Variants in SEH1L observed in about 807,000 individuals in gnomAD.
SEH1L encodes the protein SEH1 like nucleoporin, also known as nucleoporin SEH1.
A neutral mutation model predicts 49.5 loss-of-function variants in SEH1L; 18 were observed. The ratio of observed to expected loss-of-function variants is 0.36; its 90% CI spans 0.25 to 0.54. The LOEUF (loss-of-function observed/expected upper bound fraction) is 0.54, where lower values mean the gene tolerates loss of function less well. Among genes scored for constraint, SEH1L ranks in the 20% least tolerant of loss-of-function variants. SEH1L has a pLI of 0.87. For synonymous variants in SEH1L, 169 were observed against 178.1 expected (o/e 0.95, Z 0.41); for missense variants, 404 against 528.8 (o/e 0.76, Z 2.31).
In SEH1L at chr18:12,986,174, G is replaced by C. The variant is rs111288711; in HGVS notation, c.1071-688G>C. ...TAGTTCGCTGTTTAAATTAATTCAT[G>C]TCCTGTAAAGTTCTGACCTTGATAA... On this transcript the variant is annotated intron_variant, in intron 8 of 8. Transcript: ENST00000399892. 7,163 of 984,880 alleles carry C rather than the reference G, an allele frequency of 7.3e-3. 31 individuals are homozygous for C. The highest frequency in any genetic ancestry group is 8.0e-3 in the Non-Finnish European group (6,649 of 829,344). 61.0% of individuals were successfully genotyped at this position (984,880 alleles called of 1,614,324 possible).
chr18:12,956,070 AGTCTCACT>A (rs1397548136), intron 3 of SEH1L, among the ~76,000 whole-genome samples: 10 of 145,234 alleles, frequency 6.9e-5, no homozygotes, highest in Non-Finnish European at 1.2e-4. Flanking sequence ...TTTTAGACGG[AGTCTCACT>A]GTGTCACCCA....
intron 3 of SEH1L, among the ~76,000 whole-genome samples, chr18:12,962,288 A>T (rs957952229): frequency 1.3e-5 from 2 of 151,774 alleles, no homozygotes; most frequent in South Asian, 4.2e-4. Flanking sequence ...CATCCCAGCT[A>T]CTGGGAAGGC....
chr18:12,953,493 C>T (rs746277787), intron 2 of SEH1L, among the ~76,000 whole-genome samples: 35 of 152,260 alleles, frequency 2.3e-4, no homozygotes, highest in Non-Finnish European at 4.3e-4. Context: ...CACCTACACT[C>T]GATAATATCT....
At chr18:12,965,460 T>C (rs1235443856) in intron 4 of SEH1L, among the ~76,000 whole-genome samples, 1 of 152,242 alleles carries the variant, frequency 6.6e-6, no homozygotes, top group African/African-American at 2.4e-5. Context: ...ATCTAGATTA[T>C]GTAAGTATTC....
intron 4 of SEH1L, among the ~76,000 whole-genome samples, chr18:12,965,915 G>C (rs2031428789): frequency 2.0e-5 from 3 of 152,264 alleles, no homozygotes; most frequent in African/African-American, 7.2e-5. Context: ...AGAAGTAACA[G>C]AAGTACAGTA....
At chr18:12,965,971 T>C (rs932258737) in intron 4 of SEH1L, among the ~76,000 whole-genome samples, 1 of 152,230 alleles carries the variant, frequency 6.6e-6, no homozygotes, top group East Asian at 1.9e-4. Flanking sequence ...AACCCAAAGC[T>C]GCTGCTGTAC....
At chr18:12,977,461 A>C (rs1318932375) in intron 5 of SEH1L, 2 of 152,244 alleles carry the variant, frequency 1.3e-5, no homozygotes, top group African/African-American at 4.8e-5. Context: ...GCAGTGGCTC[A>C]CACCTGTAAT....
At chr18:12,950,845 A>G (rs571415455) in intron 1 of SEH1L, among the ~76,000 whole-genome samples, 38 of 152,070 alleles carry the variant, frequency 2.5e-4, no homozygotes, top group Admixed American at 5.9e-4. Flanking sequence ...TTTGAGATGG[A>G]GTCTTGCCAT....
At chr18:12,979,661 C>A (rs2032082857) in intron 6 of SEH1L, among the ~76,000 whole-genome samples, 1 of 151,472 alleles carries the variant, frequency 6.6e-6, no homozygotes, top group African/African-American at 2.4e-5. Flanking sequence ...AGAGGCGCCC[C>A]TCACCTCCCG....
Position 12,987,273 on chromosome 18 carries a change from T to G in SEH1L, c.*216T>G. The G allele has an allele frequency of 5.1e-6, 2 of 392,922 alleles. No homozygotes were observed. The highest frequency in any genetic ancestry group is 1.1e-4 in the South Asian group (2 of 18,956). 24.3% of individuals were successfully genotyped at this position (392,922 alleles called of 1,614,324 possible). On this transcript the variant is annotated 3_prime_UTR_variant, in exon 9 of 9. Transcript: ENST00000399892. ...CACTGGGTGATAACCTTTGATGAAA[T>G]GAGATATGTCCAAGTAACGTTAACT...
At chr18:12,952,522 G>A (rs2145605101) in intron 2 of SEH1L, among the ~76,000 whole-genome samples, 1 of 152,216 alleles carries the variant, frequency 6.6e-6, no homozygotes, top group East Asian at 1.9e-4. Flanking sequence ...GAGCCACTGT[G>A]CCCGGCCAAG....
At chr18:12,982,871 G>A (rs993799540) in intron 7 of SEH1L, 196 bp downstream of exon 7, 3 of 458,828 alleles carry the variant, frequency 6.5e-6, no homozygotes, top group South Asian at 7.3e-5. Flanking sequence ...TAAGTTATGT[G>A]GAACAGAGCA....
intron 1 of SEH1L, among the ~76,000 whole-genome samples, chr18:12,949,104 C>CCGCCTCGG (rs1252915899): frequency 6.6e-6 from 1 of 151,776 alleles, no homozygotes; most frequent in African/African-American, 2.4e-5. Context: ...CGTGATCCAC[C>CCGCCTCGG]CGCCTCGGCG....
In SEH1L at chr18:12,951,848, C is replaced by G. The variant is rs368227577; in HGVS notation, c.112-7C>G. 1.3e-6 allele frequency: 2 copies of G among 1,547,922 alleles called. No homozygotes were observed. Among genetic ancestry groups the G allele is most frequent in the Admixed American group, 1.8e-5 (1 of 54,472 alleles). ...GTATAAAATATCTGCCTTTTATTTT[C>G]TTATAGGTCTGGGATAAAAGTGAAA... is the stretch of plus-strand genomic sequence containing the variant. On this transcript the variant is annotated splice_region_variant and splice_polypyrimidine_tract_variant and intron_variant, in intron 1 of 8. Coordinates refer to ENST00000399892, the MANE Select transcript of SEH1L (RefSeq NM_001013437.2).
chr18:12,962,757 G>A (rs2031250987), intron 3 of SEH1L, among the ~76,000 whole-genome samples: 1 of 151,922 alleles, frequency 6.6e-6, no homozygotes, highest in African/African-American at 2.4e-5. Flanking sequence ...ACAGGTGTAA[G>A]CCATCACGCC....
rs183594597 is a variant in SEH1L, at chr18:12,949,719, C to T, written c.111+1487C>T. On this transcript the variant is annotated intron_variant, in intron 1 of 8. Transcript: ENST00000399892. Reference sequence around the variant, plus strand: ...CCGCCCACCTCGGCCTCCCAAAGTGCTAGGATTACGGGCGTGAGCCACCGC... The same window carrying T: ...CCGCCCACCTCGGCCTCCCAAAGTGTTAGGATTACGGGCGTGAGCCACCGC... Among the ~76,000 whole-genome samples the T allele has an allele frequency of 5.3e-5, 8 of 152,210 alleles. No individual in the cohort carries two copies. The South Asian group carries it at 1.2e-3, about 24-fold the overall frequency.
chr18:12,985,346 T>G, intron 8 of SEH1L: 1 of 1,547,926 alleles, frequency 6.5e-7, no homozygotes, highest in Non-Finnish European at 8.7e-7. Flanking sequence ...CCCAGCGCCG[T>G]TTGACCTCTC....
chr18:12,949,446 T>TTTTTTTG (rs2030362079), intron 1 of SEH1L, among the ~76,000 whole-genome samples: 1 of 105,462 alleles, frequency 9.5e-6, no homozygotes, highest in East Asian at 2.6e-4. Flanking sequence ...TTAACCGTTT[T>TTTTTTTG]TTTTTTTTTT....
chr18:12,980,195 C>CAG (rs2032138722), intron 6 of SEH1L, among the ~76,000 whole-genome samples: 4 of 138,422 alleles, frequency 2.9e-5, no homozygotes, highest in Non-Finnish European at 6.3e-5. Flanking sequence ...GATGGGGCGG[C>CAG]TGGCCGGGCG....
Sources: allele counts gnomAD v4.1 joint callset (sites outside exome capture counted in the v4.1 genomes callset), GRCh38; gene constraint gnomAD v4.1.1; transcripts MANE v1.5; gene names NCBI Gene and HGNC (gene_info 2026-07-23, HGNC 2026-07-21).